The following SAMD11 variants were observed in gnomAD, a reference collection of about 807,000 sequenced individuals.
SAMD11 encodes the protein sterile alpha motif domain containing 11.
In SAMD11, 77 loss-of-function variants were observed where a neutral mutation model predicts 64.4. The ratio of observed to expected loss-of-function variants is 1.20; its 90% CI spans 0.99 to 1.44. The LOEUF (loss-of-function observed/expected upper bound fraction) is 1.44, where lower values mean the gene tolerates loss of function less well. Ranked by LOEUF, SAMD11 falls within the 40% of genes most tolerant of loss-of-function variation. SAMD11 has a pLI of 0.00. For missense variants in SAMD11, 1,402 were observed against 943.3 expected (o/e 1.49, Z -6.37); for synonymous variants, 658 against 421.9 (o/e 1.56, Z -6.86).
chr1:930,424 C>T, intron 3 of SAMD11, 88 bp downstream of exon 3: 2 of 1,373,498 alleles, frequency 1.5e-6, no homozygotes, highest in South Asian at 2.9e-5. Context: ...AGAGTGTCCA[C>T]ACCGGCCTCC....
At chr1:931,261 G>A (rs532269996) in intron 4 of SAMD11, among the ~76,000 whole-genome samples, 172 bp downstream of exon 4, 2 of 151,728 alleles carry the variant, frequency 1.3e-5, no homozygotes, top group Non-Finnish European at 2.9e-5. Flanking sequence ...CCCCCATCCC[G>A]GGAGGCAGAC....
At position 943,758 on chromosome 1, in the gene SAMD11, C is replaced by G; in HGVS notation, c.2239C>G (p.Leu747Val). ...GCCACTGCTGACGGAGGAGCACCTG[C>G]TGACCAACATGGGGCTGAAGCTGGG... The part of the protein sequence containing the change: ...TLPLLTEEHL[L>V]TNMGLKLGPA... The change falls in exon 13 of 14, where the codon CTG (leucine) becomes GTG (valine). Residue 747 changes from leucine to valine, a missense_variant. Leu to Val is a conservative substitution (Grantham distance 32, BLOSUM62 1). Coordinates refer to ENST00000616016, the MANE Select transcript of SAMD11 (RefSeq NM_001385641.1). 1 of 1,611,350 alleles carries G rather than the reference C, an allele frequency of 6.2e-7. No individual in the cohort carries two copies. The highest frequency in any genetic ancestry group is 8.5e-7 in the Non-Finnish European group (1 of 1,179,184).
In SAMD11 at chr1:934,931, C is replaced by CA. The variant is rs1367561384; in HGVS notation, c.843-841_843-840insA. On this transcript the variant is annotated intron_variant, in intron 4 of 13. Transcript: ENST00000616016. Reference sequence around the variant, plus strand: ...GGGAGGCGGCTGCGTTACAGGTGGGCGGGGGGGGCGGCTGCGTTACAGGTG... The same window carrying CA: ...GGGAGGCGGCTGCGTTACAGGTGGGCAGGGGGGGGCGGCTGCGTTACAGGTG... Among the ~76,000 whole-genome samples the CA allele has an allele frequency of 5.0e-5, 3 of 60,510 alleles. 1 individual carries two copies. The highest frequency in any genetic ancestry group is 3.6e-4 in the African/African-American group (3 of 8,394). The allele number at this position is 60,510 out of a possible 152,430, so 39.7% of individuals were successfully genotyped here.
intron 8 of SAMD11, 129 bp downstream of exon 8, chr1:941,435 G>C: frequency 3.1e-6 from 3 of 981,008 alleles, no homozygotes; most frequent in Non-Finnish European, 1.5e-6. Flanking sequence ...TCCGGGCAGA[G>C]CGTTTCGGGG....
rs1641102780 is a variant in SAMD11, at chr1:930,169, G to A, written c.624G>A (p.Leu208=). 6.4e-7 allele frequency: 1 copy of A among 1,557,596 alleles called. No homozygotes were observed. The highest frequency in any genetic ancestry group is 8.7e-7 in the Non-Finnish European group (1 of 1,150,964). ...TGCCCCACCAGAACCGGGGGCGGCT[G>A]GCAGACAAGAGGACAGTCGCCCTGC... The part of the protein sequence containing the change: ...RISSPVNRGR[L]ADKRTVALPA... The change falls in exon 3 of 14, where the codon CTG becomes CTA. Residue 208 remains leucine (L), a synonymous_variant. Coordinates refer to ENST00000616016, the MANE Select transcript of SAMD11 (RefSeq NM_001385641.1).
intron 8 of SAMD11, among the ~76,000 whole-genome samples, chr1:941,851 C>G (rs1452661338): frequency 6.6e-6 from 1 of 152,130 alleles, no homozygotes; most frequent in East Asian, 1.9e-4. Flanking sequence ...CCCGCTTCCC[C>G]CGCCGCTCGG....
At chr1:925,899 G>GT in intron 1 of SAMD11, 23 bp from the exon 2 acceptor site, 1 of 1,563,066 alleles carries the variant, frequency 6.4e-7, no homozygotes. Flanking sequence ...CCCTCACAGG[G>GT]TCTGCCTCGG....
At chr1:941,056 C>T in intron 7 of SAMD11, 88 bp from the exon 8 acceptor site, 1 of 1,272,156 alleles carries the variant, frequency 7.9e-7, no homozygotes, top group Non-Finnish European at 1.1e-6. Context: ...GTGGTCAGTT[C>T]CCCACCTCAG....
intron 7 of SAMD11, among the ~76,000 whole-genome samples, chr1:940,827 C>T (rs1641719896): frequency 6.6e-6 from 1 of 152,212 alleles, no homozygotes; most frequent in South Asian, 2.1e-4. Flanking sequence ...CTCGCTGCCC[C>T]GCAGGCTCTG....
intron 3 of SAMD11, 66 bp from the exon 4 acceptor site, chr1:930,973 T>G: frequency 6.6e-7 from 1 of 1,525,720 alleles, no homozygotes; most frequent in Non-Finnish European, 9.1e-7. Context: ...GCGCACGCCC[T>G]GCTATCCTGA....
rs770472086 is a variant in SAMD11 at position 939,318 on chromosome 1, G to A, written c.1101G>A (p.Pro367=). 45 of 1,611,252 alleles carry A rather than the reference G, an allele frequency of 2.8e-5. No individual in the cohort carries two copies. The highest frequency in any genetic ancestry group is 1.5e-4 in the South Asian group (14 of 90,672). ...LPRELGPSMA[P]EDHYRRLVSA... ...GGGAGCTGGGGCCCAGCATGGCCCC[G>A]GAGGACCATTACCGCCGGCTTGTGT... Residue 367 remains proline, a synonymous_variant, in exon 7 of 14, where the codon CCG becomes CCA. Coordinates refer to ENST00000616016, the MANE Select transcript of SAMD11 (RefSeq NM_001385641.1).
At chr1:925,684 C>T (rs2100288059) in intron 1 of SAMD11, 2 of 433,720 alleles carry the variant, frequency 4.6e-6, no homozygotes, top group East Asian at 4.4e-5. Flanking sequence ...CGGGTGGGGA[C>T]GCCCAGGCCC....
Position 944,033 on chromosome 1 carries a change from G to A in SAMD11, c.2415G>A (p.Thr805=), listed in dbSNP as rs116279254. The change falls in exon 14 of 14, where the codon ACG becomes ACA. Residue 805 remains threonine (T), a synonymous_variant. Transcript: ENST00000616016. Reference sequence around the variant, plus strand: ...CAGGAGAGCAGCCCTTGTCCCCCACGACGGCCACGTCCCCCTATGGAGGGG... The same window carrying A: ...CAGGAGAGCAGCCCTTGTCCCCCACAACGGCCACGTCCCCCTATGGAGGGG... ...LGTGEQPLSP[T]TATSPYGGGH... The A allele has an allele frequency of 1.3e-3, 2,154 of 1,612,838 alleles. 16 individuals are homozygous for A. The African/African-American group carries it at 0.022, about 17-fold the overall frequency.
chr1:939,137 CG>C lies in SAMD11; in HGVS notation c.1057+9del. On this transcript the variant is annotated intron_variant, in intron 6 of 13. Coordinates refer to ENST00000616016, the MANE Select transcript of SAMD11 (RefSeq NM_001385641.1). ...GAAGCGAATCGCCTCAAGGTAAGAG[CG>C]TGGCTGGGACGAGAGACAGGTCACC... 1 of 1,579,254 alleles carries C rather than the reference CG, an allele frequency of 6.3e-7. No individual in the cohort carries two copies. The highest frequency in any genetic ancestry group is 2.3e-5 in the East Asian group (1 of 43,556).
At chr1:939,240 T>G in intron 6 of SAMD11, 35 bp from the exon 7 acceptor site, 1 of 1,565,940 alleles carries the variant, frequency 6.4e-7, no homozygotes, top group Non-Finnish European at 8.7e-7. Flanking sequence ...CGGCAGTGCC[T>G]GGAGAAACCT....
intron 8 of SAMD11, among the ~76,000 whole-genome samples, chr1:941,803 C>T (rs985988502): frequency 6.6e-6 from 1 of 152,136 alleles, no homozygotes; most frequent in Admixed American, 6.5e-5. Flanking sequence ...GCGTCTGCAG[C>T]TGCCTCCACC....
rs1229356126 is a variant in SAMD11, at chr1:939,030, C to T, written c.968-10C>T. The T allele has an allele frequency of 5.0e-6, 8 of 1,589,024 alleles. No homozygotes were observed. The highest frequency in any genetic ancestry group is 1.7e-4 in the Middle Eastern group (1 of 6,048). ...TGAGATGCAGGTGGGCACTCACTAC[C>T]CTCCCGCAGGTGACCTGTTGGGCAA... On this transcript the variant is annotated splice_polypyrimidine_tract_variant and intron_variant, in intron 5 of 13. Coordinates refer to ENST00000616016, the MANE Select transcript of SAMD11 (RefSeq NM_001385641.1).
At chr1:933,866 G>GAT (rs1420618343) in intron 4 of SAMD11, among the ~76,000 whole-genome samples, 1 of 151,906 alleles carries the variant, frequency 6.6e-6, no homozygotes, top group African/African-American at 2.4e-5. Flanking sequence ...CTTAGGGGCA[G>GAT]CCTTGGATTA....
chr1:931,662 G>T (rs574439022), intron 4 of SAMD11, among the ~76,000 whole-genome samples: 2 of 152,338 alleles, frequency 1.3e-5, no homozygotes, highest in South Asian at 4.1e-4. Context: ...GGGAGCCACC[G>T]AAAGTTCTTG....
Sources: gnomAD v4.1 joint callset for allele counts (sites outside exome capture counted in the v4.1 genomes callset) on GRCh38, gnomAD v4.1.1 for gene constraint, MANE v1.5 for transcripts, NCBI Gene and HGNC (gene_info 2026-07-23, HGNC 2026-07-21) for gene names.